Variants in ST6GALNAC3 observed in about 807,000 individuals in gnomAD.
ST6GALNAC3 encodes ST6 N-acetylgalactosaminide alpha-2,6-sialyltransferase 3, also known as alpha-N-acetylgalactosaminide alpha-2,6-sialyltransferase 3.
In ST6GALNAC3, 25 loss-of-function variants were observed where a neutral mutation model predicts 32.7. That is an observed-to-expected ratio of 0.76 (90% CI 0.56 to 1.07). The LOEUF is 1.07. Ranked by LOEUF, ST6GALNAC3 falls within the 50% of genes least tolerant of loss-of-function variation. ST6GALNAC3 has a pLI of 0.00. For missense variants in ST6GALNAC3, 355 were observed against 382.4 expected, an observed-to-expected ratio of 0.93 and a Z score of 0.60; for synonymous variants, 129 against 133.1, an observed-to-expected ratio of 0.97 and a Z score of 0.21.
chr1:76,537,832 T>A (rs112150574), intron 3 of ST6GALNAC3, among the ~76,000 whole-genome samples: 2 of 151,998 alleles, frequency 1.3e-5, no homozygotes, highest in African/African-American at 4.8e-5. Flanking sequence ...AAGTCAAATC[T>A]CTGAATAGAC....
At chr1:76,242,168 A>C (rs1168062643) in intron 1 of ST6GALNAC3, among the ~76,000 whole-genome samples, 1 of 151,938 alleles carries the variant, frequency 6.6e-6, no homozygotes, top group Non-Finnish European at 1.5e-5. Context: ...ATGGCTTTGG[A>C]TTTTTCTCAT....
At chr1:76,501,020 G>A (rs535641811) in intron 3 of ST6GALNAC3, among the ~76,000 whole-genome samples, 2 of 152,280 alleles carry the variant, frequency 1.3e-5, no homozygotes, top group South Asian at 2.1e-4. Flanking sequence ...CTAAGGTAGT[G>A]GGGGGAAGAC....
chr1:76,291,951 A>G (rs542955592), intron 1 of ST6GALNAC3, among the ~76,000 whole-genome samples: 10 of 152,262 alleles, frequency 6.6e-5, no homozygotes, highest in Non-Finnish European at 1.0e-4. Context: ...TGACTGGTGG[A>G]CAACTCATCT....
intron 3 of ST6GALNAC3, among the ~76,000 whole-genome samples, chr1:76,552,337 G>GAGC (rs1557562299): frequency 6.6e-6 from 1 of 152,190 alleles, no homozygotes. Context: ...TGCAGGCTCT[G>GAGC]AGCTGCTCCC....
intron 1 of ST6GALNAC3, among the ~76,000 whole-genome samples, chr1:76,195,645 C>T (rs895493120): frequency 6.6e-6 from 1 of 152,120 alleles, no homozygotes; most frequent in Non-Finnish European, 1.5e-5. Flanking sequence ...ATATTTGGTG[C>T]AAATGTCAAC....
Position 76,412,056 on chromosome 1 carries a change from C to A in ST6GALNAC3, c.262C>A (p.Gln88Lys), listed in dbSNP as rs775374491. ...DLCAIVSNSG[Q>K]MVGQKVGNEI... ...TTGTGCCATAGTGTCAAACTCAGGTCAGATGGTTGGCCAGAAGGTGGGAAA... is the reference window on the plus strand; with the variant it reads ...TTGTGCCATAGTGTCAAACTCAGGTAAGATGGTTGGCCAGAAGGTGGGAAA... The change falls in exon 3 of 5, where the codon CAG becomes AAG. Residue 88 changes from glutamine to lysine, a missense_variant. Transcript: ENST00000328299. The A allele has an allele frequency of 1.9e-6, 3 of 1,613,436 alleles. No homozygotes were observed. The Admixed American group carries it at 5.0e-5, about 27-fold the overall frequency.
At chr1:76,380,427 G>A (rs1308853732) in intron 2 of ST6GALNAC3, among the ~76,000 whole-genome samples, 1 of 152,130 alleles carries the variant, frequency 6.6e-6, no homozygotes, top group African/African-American at 2.4e-5. Context: ...TTGAACATAT[G>A]CATATCCTAC....
intron 1 of ST6GALNAC3, among the ~76,000 whole-genome samples, chr1:76,230,143 ATTTC>A (rs1656288354): frequency 1.3e-5 from 2 of 152,146 alleles, no homozygotes; most frequent in African/African-American, 4.8e-5. Context: ...AAGCCAAATT[ATTTC>A]TTTATCTTTT....
intron 1 of ST6GALNAC3, among the ~76,000 whole-genome samples, chr1:76,159,824 T>C (rs1229076069): frequency 6.6e-6 from 1 of 152,202 alleles, no homozygotes; most frequent in East Asian, 1.9e-4. Context: ...GGGTTTTCCA[T>C]GGATTAGCTA....
At chr1:76,171,156 A>G (rs1471825134) in intron 1 of ST6GALNAC3, among the ~76,000 whole-genome samples, 2 of 151,892 alleles carry the variant, frequency 1.3e-5, no homozygotes, top group African/African-American at 2.4e-5. Flanking sequence ...ATCATATTAT[A>G]TAGAGGCTAC....
intron 3 of ST6GALNAC3, among the ~76,000 whole-genome samples, chr1:76,460,361 G>A (rs1282325326): frequency 2.0e-5 from 3 of 151,940 alleles, no homozygotes; most frequent in Admixed American, 6.6e-5. Context: ...TAAATCTATA[G>A]ACAAAATAAA....
intron 3 of ST6GALNAC3, among the ~76,000 whole-genome samples, chr1:76,600,223 G>A (rs960426442): frequency 2.0e-5 from 3 of 152,100 alleles, no homozygotes; most frequent in African/African-American, 4.8e-5. Context: ...TCTATACACA[G>A]AAGAGGGCTC....
rs115903269 is a variant in ST6GALNAC3, at chr1:76,225,559, C to T, written c.19-88246C>T. Reference sequence around the variant, plus strand: ...TAGCATTTAAGGCCACCAAAGGGAACGTTTTCTGTGTTACTGTTTATTCAG... The same window carrying T: ...TAGCATTTAAGGCCACCAAAGGGAATGTTTTCTGTGTTACTGTTTATTCAG... On this transcript the variant is annotated intron_variant, in intron 1 of 4. Transcript: ENST00000328299. 8.7e-3 allele frequency among the ~76,000 whole-genome samples: 1,322 copies of T among 152,232 alleles called. 28 individuals are homozygous for T. Among genetic ancestry groups the T allele is most frequent in the African/African-American group, 0.03 (1,258 of 41,538 alleles).
At chr1:76,271,553 T>C (rs1557742143) in intron 1 of ST6GALNAC3, among the ~76,000 whole-genome samples, 1 of 152,164 alleles carries the variant, frequency 6.6e-6, no homozygotes. Flanking sequence ...TATAAGAACA[T>C]TACATAGTAT....
chr1:76,273,761 C>T (rs1658984686), intron 1 of ST6GALNAC3, among the ~76,000 whole-genome samples: 1 of 152,184 alleles, frequency 6.6e-6, no homozygotes, highest in African/African-American at 2.4e-5. Flanking sequence ...ATTCATCAAT[C>T]CATGAATCTC....
intron 2 of ST6GALNAC3, among the ~76,000 whole-genome samples, chr1:76,360,524 C>A (rs556086501): frequency 2.0e-5 from 3 of 152,122 alleles, no homozygotes; most frequent in Non-Finnish European, 4.4e-5. Context: ...ATATTTTCTA[C>A]CCCAACTATG....
downstream of ST6GALNAC3, chr1:76,634,626 T>C (rs1649455016): frequency 6.6e-6 from 1 of 152,112 alleles, no homozygotes; most frequent in Non-Finnish European, 1.5e-5. Context: ...TTTCAGTTTG[T>C]TTTACAACAG....
chr1:76,450,685 A>C (rs1172961934), intron 3 of ST6GALNAC3, among the ~76,000 whole-genome samples: 1 of 152,196 alleles, frequency 6.6e-6, no homozygotes, highest in Non-Finnish European at 1.5e-5. Flanking sequence ...TTATGGTTTC[A>C]GGTCTTAGAT....
chr1:76,355,622 G>A (rs949070993), intron 2 of ST6GALNAC3, among the ~76,000 whole-genome samples: 7 of 152,160 alleles, frequency 4.6e-5, no homozygotes, highest in Non-Finnish European at 7.3e-5. Flanking sequence ...ACCATAGCCC[G>A]AGAGGAAACT....
Sources: allele counts gnomAD v4.1 joint callset (sites outside exome capture counted in the v4.1 genomes callset), GRCh38; gene constraint gnomAD v4.1.1; transcripts MANE v1.5; gene names NCBI Gene and HGNC (gene_info 2026-07-23, HGNC 2026-07-21).